Variants in NRXN3 observed in about 807,000 individuals in gnomAD.
The protein encoded by NRXN3 is neurexin III.
In NRXN3, 32 loss-of-function variants were observed where a neutral mutation model predicts 137.6. The observed-to-expected ratio is 0.23, with a 90% CI of 0.18 to 0.31. NRXN3 has a LOEUF of 0.31. Ranked by LOEUF, NRXN3 falls within the 10% of genes least tolerant of loss-of-function variation. The probability of loss-of-function intolerance (pLI) is 1.00; values close to 1 mark genes in which losing one functional copy is unlikely to be tolerated. For synonymous variants in NRXN3, 798 were observed against 784.5 expected (o/e 1.02, Z -0.29); for missense variants, 1,574 against 2,062.5 (o/e 0.76, Z 4.59).
chr14:79,080,223 G>T (rs1310684553), intron 15 of NRXN3, among the ~76,000 whole-genome samples: 2 of 152,118 alleles, frequency 1.3e-5, no homozygotes, highest in African/African-American at 2.4e-5. Flanking sequence ...AGGCCCCTGG[G>T]TTCTACTGAG....
At chr14:79,544,957 G>T (rs1393425809) in intron 16 of NRXN3, among the ~76,000 whole-genome samples, 5 of 152,132 alleles carry the variant, frequency 3.3e-5, no homozygotes, top group Non-Finnish European at 7.3e-5. Context: ...CACAATTGAG[G>T]TCTAGAGATG....
intron 19 of NRXN3, among the ~76,000 whole-genome samples, chr14:79,764,887 G>GTT (rs574208065): frequency 2.0e-5 from 3 of 152,290 alleles, no homozygotes; most frequent in South Asian, 4.1e-4. Flanking sequence ...CTGGAAAACT[G>GTT]TTTTGTTTGA....
chr14:78,526,765 G>T (rs757220571), intron 4 of NRXN3: 6 of 517,910 alleles, frequency 1.2e-5, no homozygotes, highest in Non-Finnish European at 1.9e-5. Flanking sequence ...TTTATAGACA[G>T]GAAAGCTGAG....
At chr14:79,645,742 G>A (rs2098451082) in intron 16 of NRXN3, among the ~76,000 whole-genome samples, 1 of 135,580 alleles carries the variant, frequency 7.4e-6, no homozygotes, top group South Asian at 2.3e-4. Flanking sequence ...GGATGGGAGG[G>A]AAGGTTCAGA....
intron 15 of NRXN3, among the ~76,000 whole-genome samples, chr14:79,361,466 C>T (rs1284526177): frequency 4.6e-5 from 7 of 152,126 alleles, no homozygotes; most frequent in Non-Finnish European, 2.9e-5. Flanking sequence ...CCTGTAATTC[C>T]AGCACTTTGG....
intron 4 of NRXN3, among the ~76,000 whole-genome samples, chr14:78,410,363 A>G (rs188238292): frequency 4.0e-4 from 61 of 152,294 alleles, no homozygotes; most frequent in African/African-American, 1.4e-3. Flanking sequence ...TATAATACCT[A>G]TGTTTCCTTA....
chr14:78,360,204 A>C (rs942897912), intron 4 of NRXN3, among the ~76,000 whole-genome samples: 1 of 152,142 alleles, frequency 6.6e-6, no homozygotes, highest in Non-Finnish European at 1.5e-5. Flanking sequence ...GGAACTTGAC[A>C]GTGTCAAATG....
At chr14:79,292,658 GGTA>G (rs2083394845) in intron 15 of NRXN3, among the ~76,000 whole-genome samples, 1 of 152,180 alleles carries the variant, frequency 6.6e-6, no homozygotes, top group Non-Finnish European at 1.5e-5. Flanking sequence ...TCATACATAT[GGTA>G]GTAGTTCTTT....
At chr14:79,085,332 T>G (rs2047897740) in intron 15 of NRXN3, among the ~76,000 whole-genome samples, 1 of 152,176 alleles carries the variant, frequency 6.6e-6, no homozygotes, top group Admixed American at 6.6e-5. Flanking sequence ...ACTATCAATG[T>G]CAGTCAAGAT....
At chr14:79,633,344 A>T (rs1047517310) in intron 16 of NRXN3, 1 of 152,138 alleles carries the variant, frequency 6.6e-6, no homozygotes, top group African/African-American at 2.4e-5. Context: ...TTGCTTGGTA[A>T]GTTCCAACCC....
intron 6 of NRXN3, among the ~76,000 whole-genome samples, chr14:78,678,294 A>G (rs975529265): frequency 7.9e-5 from 12 of 151,142 alleles, no homozygotes; most frequent in African/African-American, 2.9e-4. Context: ...ATTCATTCAT[A>G]TTAACTGTTA....
chr14:78,518,371 A>G (rs1221266862), intron 4 of NRXN3, among the ~76,000 whole-genome samples: 1 of 152,104 alleles, frequency 6.6e-6, no homozygotes, highest in Non-Finnish European at 1.5e-5. Context: ...TTTGTCATTT[A>G]AATTTCTCTC....
chr14:79,271,717 T>C (rs551570206), intron 15 of NRXN3, among the ~76,000 whole-genome samples: 156 of 152,206 alleles, frequency 1.0e-3, no homozygotes, highest in African/African-American at 3.7e-3. Flanking sequence ...AAGTGAACGC[T>C]GGGCTTGTTT....
At chr14:79,770,072 A>C (rs1423755523) in intron 19 of NRXN3, among the ~76,000 whole-genome samples, 1 of 151,852 alleles carries the variant, frequency 6.6e-6, no homozygotes, top group Non-Finnish European at 1.5e-5. Flanking sequence ...AAGAAGAGCT[A>C]ACTATCCTAA....
intron 16 of NRXN3, among the ~76,000 whole-genome samples, chr14:79,622,331 C>G (rs528449158): frequency 2.6e-4 from 39 of 152,234 alleles, no homozygotes; most frequent in African/African-American, 8.9e-4. Flanking sequence ...CCTGAAGAAT[C>G]TTTTAGAACT....
chr14:79,331,177 T>C (rs2091634180), intron 15 of NRXN3, among the ~76,000 whole-genome samples: 1 of 152,202 alleles, frequency 6.6e-6, no homozygotes, highest in Non-Finnish European at 1.5e-5. Flanking sequence ...TGTATATTGG[T>C]AAATATTTTG....
chr14:79,715,430 A>G (rs1292689464), intron 19 of NRXN3, among the ~76,000 whole-genome samples: 1 of 152,196 alleles, frequency 6.6e-6, no homozygotes, highest in East Asian at 1.9e-4. Flanking sequence ...TGGCAAACCT[A>G]TATTTTGGGT....
chr14:79,595,258 G>A (rs531660807), intron 16 of NRXN3, among the ~76,000 whole-genome samples: 14 of 152,226 alleles, frequency 9.2e-5, no homozygotes, highest in African/African-American at 3.4e-4. Flanking sequence ...TGTTCATATT[G>A]TGGACAATCA....
At chr14:79,072,886 C>CTTTT (rs11424011) in intron 15 of NRXN3, among the ~76,000 whole-genome samples, 2 of 139,238 alleles carry the variant, frequency 1.4e-5, no homozygotes, top group Non-Finnish European at 3.1e-5. Context: ...CTCTCTCTCT[C>CTTTT]TTTTTTTTTT....
Sources: gnomAD v4.1 joint callset for allele counts (sites outside exome capture counted in the v4.1 genomes callset) on GRCh38, gnomAD v4.1.1 for gene constraint, MANE v1.5 for transcripts, NCBI Gene and HGNC (gene_info 2026-07-23, HGNC 2026-07-21) for gene names.